The following MYOM2 variants were observed in gnomAD, a reference collection of about 807,000 sequenced individuals.
MYOM2 encodes the protein myomesin 2, also known as myomesin-2.
Under a neutral mutation model 187.6 loss-of-function variants are expected in MYOM2, and 254 were observed. That is an observed-to-expected ratio of 1.35 (90% confidence interval 1.22 to 1.50). The LOEUF (loss-of-function observed/expected upper bound fraction) is 1.50. MYOM2 is among the 40% of genes most tolerant of loss of function. The pLI is 0.00. For missense variants in MYOM2, 2,796 were observed against 1,924.0 expected (o/e 1.45, Z -8.48); for synonymous variants, 981 against 753.8 (o/e 1.30, Z -4.94).
At chr8:2,121,988 C>A (rs1797475205) in intron 28 of MYOM2, among the ~76,000 whole-genome samples, 1 of 152,052 alleles carries the variant, frequency 6.6e-6, no homozygotes, top group Non-Finnish European at 1.5e-5. Context: ...CCGTCTCCCC[C>A]AATTATAGGA....
At chr8:2,120,706 T>TAAATATATA (rs1797421857) in intron 28 of MYOM2, among the ~76,000 whole-genome samples, 1 of 69,078 alleles carries the variant, frequency 1.4e-5, no homozygotes, top group East Asian at 3.6e-4. Flanking sequence ...AATATATATA[T>TAAATATATA]TTTAATTGCC....
rs113503373 is a variant in MYOM2 at position 2,133,344 on chromosome 8, T to A, written c.3800+4112T>A. Among the ~76,000 whole-genome samples the A allele has an allele frequency of 4.1e-3, 625 of 152,128 alleles. 5 individuals carry two copies. Among genetic ancestry groups the A allele is most frequent in the African/African-American group, 0.015 (609 of 41,498 alleles). On this transcript the variant is annotated intron_variant, in intron 32 of 36. Transcript: ENST00000262113. Reference sequence around the variant, plus strand: ...AAAGGGGAGCAAGATCTAGGTGGAGTTGACTTGAATTTTGGACCACACTGA... The same window carrying A: ...AAAGGGGAGCAAGATCTAGGTGGAGATGACTTGAATTTTGGACCACACTGA...
chr8:2,096,614 T>C (rs1366390132), intron 18 of MYOM2, among the ~76,000 whole-genome samples, 180 bp downstream of exon 18: 1 of 152,220 alleles, frequency 6.6e-6, no homozygotes, highest in Non-Finnish European at 1.5e-5. Context: ...ATATTCTTTT[T>C]CTTTCTGAGA....
At chr8:2,093,090 G>A (rs1157090915) in intron 16 of MYOM2, among the ~76,000 whole-genome samples, 1 of 152,134 alleles carries the variant, frequency 6.6e-6, no homozygotes, top group Non-Finnish European at 1.5e-5. Context: ...GCTTCTCTGC[G>A]ATACGCGTCT....
chr8:2,117,695 T>G (rs1797294840), intron 27 of MYOM2, among the ~76,000 whole-genome samples, 190 bp from the exon 28 acceptor site: 1 of 152,080 alleles, frequency 6.6e-6, no homozygotes, highest in African/African-American at 2.4e-5. Context: ...GCCTGAAAAC[T>G]ATCTCAGTTT....
intron 6 of MYOM2, among the ~76,000 whole-genome samples, chr8:2,060,041 C>T (rs905953551): frequency 1.4e-4 from 22 of 152,198 alleles, no homozygotes; most frequent in African/African-American, 5.3e-4. Flanking sequence ...TGCCCCCGGC[C>T]CACACATTTC....
chr8:2,077,078 A>G (rs1482370245), intron 11 of MYOM2, among the ~76,000 whole-genome samples: 1 of 152,216 alleles, frequency 6.6e-6, no homozygotes. Context: ...TTGGGAGGCC[A>G]ACGCGGGCGG....
intron 6 of MYOM2, among the ~76,000 whole-genome samples, chr8:2,064,763 C>G (rs1395026807): frequency 1.3e-5 from 2 of 151,448 alleles, no homozygotes; most frequent in African/African-American, 4.9e-5. Flanking sequence ...ACACATCTCC[C>G]TCCTCCTTCT....
At chr8:2,111,460 C>G (rs974342872) in intron 25 of MYOM2, among the ~76,000 whole-genome samples, 1 of 152,334 alleles carries the variant, frequency 6.6e-6, no homozygotes, top group South Asian at 2.1e-4. Flanking sequence ...ATACCTTTTT[C>G]TTACTCAGAG....
At chr8:2,098,597 C>CCCGCAGG (rs2116764292) in intron 18 of MYOM2, among the ~76,000 whole-genome samples, 1 of 152,296 alleles carries the variant, frequency 6.6e-6, no homozygotes, top group African/African-American at 2.4e-5. Flanking sequence ...GTCCCCTACC[C>CCCGCAGG]CCGCAGGAGT....
chr8:2,109,501 T>C lies in MYOM2; in HGVS notation c.3150T>C (p.Ile1050=). The C allele has an allele frequency of 6.2e-7, 1 of 1,613,220 alleles. No individual in the cohort carries two copies. The highest frequency in any genetic ancestry group is 1.3e-5 in the African/African-American group (1 of 74,954). ...HLSPDASYRF[I]INDREVSDSE... is the part of the protein sequence containing the mutation. ...CACCAGATGCCAGCTACCGATTTAT[T>C]ATTAACGACAGAGAAGTCTCTGACA... is the stretch of plus-strand genomic sequence containing the variant. The change falls in exon 25 of 37, where the codon ATT becomes ATC. Residue 1050 remains isoleucine (I), a synonymous_variant. Transcript: ENST00000262113.
At chr8:2,106,203 G>A (rs369470565) in intron 21 of MYOM2, 39 bp from the exon 22 acceptor site, 17 of 1,595,398 alleles carry the variant, frequency 1.1e-5, no homozygotes, top group African/African-American at 8.1e-5. Flanking sequence ...AAAGAACACC[G>A]TGTCCCTAAG....
intron 32 of MYOM2, among the ~76,000 whole-genome samples, chr8:2,138,401 G>A (rs1015830210): frequency 6.6e-5 from 10 of 152,176 alleles, no homozygotes; most frequent in Admixed American, 3.3e-4. Context: ...GTCAGCCTTC[G>A]TGAGGCTCCC....
chr8:2,121,777 A>G (rs1249786306), intron 28 of MYOM2, among the ~76,000 whole-genome samples: 1 of 152,256 alleles, frequency 6.6e-6, no homozygotes, highest in Non-Finnish European at 1.5e-5. Flanking sequence ...AACATTCCTT[A>G]CACAGCAGAA....
rs1489926713 is a variant in MYOM2, at chr8:2,106,208, C to T, written c.2735-34C>T. 3 of 1,607,220 alleles carry T rather than the reference C, an allele frequency of 1.9e-6. No individual in the cohort carries two copies. The Admixed American group carries it at 5.0e-5, about 27-fold the overall frequency. Reference sequence around the variant, plus strand: ...AAGAGAGTTGAAAGAACACCGTGTCCCTAAGCCGCTCACTTCATACTCTTC... The same window carrying T: ...AAGAGAGTTGAAAGAACACCGTGTCTCTAAGCCGCTCACTTCATACTCTTC... On this transcript the variant is annotated intron_variant, in intron 21 of 36. Coordinates refer to ENST00000262113, the MANE Select transcript of MYOM2 (RefSeq NM_003970.4).
intron 23 of MYOM2, among the ~76,000 whole-genome samples, chr8:2,107,965 G>A (rs1424228953): frequency 1.3e-5 from 2 of 152,230 alleles, no homozygotes; most frequent in African/African-American, 4.8e-5. Flanking sequence ...CTTTGCAGTT[G>A]AAGATTTAGT....
chr8:2,125,796 G>T (rs1030505317), intron 31 of MYOM2, among the ~76,000 whole-genome samples: 1 of 151,386 alleles, frequency 6.6e-6, no homozygotes, highest in East Asian at 1.9e-4. Context: ...TTTTAGTAGA[G>T]ATGGGGTTTC....
At chr8:2,083,652 G>A (rs960423822) in intron 13 of MYOM2, among the ~76,000 whole-genome samples, 1 of 152,146 alleles carries the variant, frequency 6.6e-6, no homozygotes, top group African/African-American at 2.4e-5. Flanking sequence ...CTCAGGGCAG[G>A]GTCATCACTC....
intron 31 of MYOM2, among the ~76,000 whole-genome samples, chr8:2,126,829 C>T (rs35679733): frequency 0.32 from 30,763 of 97,444 alleles, 6,806 homozygotes; most frequent in Non-Finnish European, 0.39. Context: ...TCTGGGGGAG[C>T]ACTGGGAGAG....
Sources: allele counts gnomAD v4.1 joint callset (sites outside exome capture counted in the v4.1 genomes callset), GRCh38; gene constraint gnomAD v4.1.1; transcripts MANE v1.5; gene names NCBI Gene and HGNC (gene_info 2026-07-23, HGNC 2026-07-21).